The following ICE1 variants were observed in gnomAD, a reference collection of about 807,000 sequenced individuals.
ICE1 encodes interactor of little elongation complex ELL subunit 1, also known as little elongation complex subunit 1.
Under a neutral mutation model 192.7 loss-of-function variants are expected in ICE1, and 64 were observed. The observed-to-expected ratio is 0.33, with a 90% CI of 0.27 to 0.41. The LOEUF (loss-of-function observed/expected upper bound fraction) is 0.41. Ranked by LOEUF, ICE1 falls within the 10% of genes least tolerant of loss-of-function variation. The probability of loss-of-function intolerance (pLI) is 1.00; values close to 1 mark genes in which losing one functional copy is unlikely to be tolerated. For missense variants in ICE1, 2,708 were observed against 2,696.0 expected, an observed-to-expected ratio of 1.00 and a Z score of -0.10; for synonymous variants, 1,010 against 984.5, an observed-to-expected ratio of 1.03 and a Z score of -0.49.
At chr5:5,481,871 C>T (rs1003507899) in intron 17 of ICE1, among the ~76,000 whole-genome samples, 3 of 152,050 alleles carry the variant, frequency 2.0e-5, no homozygotes, top group Non-Finnish European at 4.4e-5. Context: ...AGTAGGCTAC[C>T]CCATATAGCC....
At chr5:5,444,680 G>A (rs1477720143) in intron 7 of ICE1, among the ~76,000 whole-genome samples, 1 of 152,146 alleles carries the variant, frequency 6.6e-6, no homozygotes, top group East Asian at 1.9e-4. Context: ...GTAGCTGGTG[G>A]AAAGGGTGGC....
At chr5:5,486,100 C>T (rs547704285) in intron 17 of ICE1, among the ~76,000 whole-genome samples, 1 of 152,332 alleles carries the variant, frequency 6.6e-6, no homozygotes, top group Non-Finnish European at 1.5e-5. Flanking sequence ...CCTGTGCCGT[C>T]TACAGCATGT....
At position 5,463,705 on chromosome 5, in the gene ICE1, G is replaced by T; in HGVS notation, c.4371G>T (p.Leu1457=). 3 of 1,613,842 alleles carry T rather than the reference G, an allele frequency of 1.9e-6. No homozygotes were observed. Among genetic ancestry groups the T allele is most frequent in the Non-Finnish European group, 2.5e-6 (3 of 1,179,838 alleles). ...CTATTTCTCAGGATCAAGGAGAGCT[G>T]GAAGCTGGTTGCATCCCAGTGACTT... The part of the protein sequence containing the change: ...DIPISQDQGE[L]EAGCIPVTSA... Residue 1457 remains leucine, a synonymous_variant, in exon 13 of 19, where the codon CTG becomes CTT. Coordinates refer to ENST00000296564, the MANE Select transcript of ICE1 (RefSeq NM_015325.3).
chr5:5,487,952 A>G (rs554523562), intron 18 of ICE1, among the ~76,000 whole-genome samples: 6 of 152,324 alleles, frequency 3.9e-5, no homozygotes, highest in Non-Finnish European at 8.8e-5. Context: ...TGATTTGCTG[A>G]AGGTGAGGCT....
Position 5,464,534 on chromosome 5 carries a change from T to C in ICE1, c.5200T>C (p.Cys1734Arg). Residue 1734 changes from cysteine to arginine, a missense_variant, in exon 13 of 19, where the codon TGT (cysteine) becomes CGT (arginine). Around this residue, in one of 2 missense-constraint regions of ICE1, gnomAD observed 2,366 missense variants for 2,276.6 expected, o/e 1.04. Transcript: ENST00000296564. The surrounding 1 kb of genome is among the most constrained non-coding windows in gnomAD (Gnocchi z 4.0). ...ALPVPGRLPPCASGHAAVGGP... is the reference protein window; with the variant it reads ...ALPVPGRLPPRASGHAAVGGP... ...TCCTGTGCCTGGCCGACTCCCACCC[T>C]GTGCATCTGGCCACGCTGCTGTGGG... 6.2e-7 allele frequency: 1 copy of C among 1,613,910 alleles called. No homozygotes were observed. Among genetic ancestry groups the C allele is most frequent in the Non-Finnish European group, 8.5e-7 (1 of 1,179,846 alleles).
chr5:5,440,002 C>T (rs1196745052), intron 4 of ICE1, 89 bp downstream of exon 4: 3 of 823,906 alleles, frequency 3.6e-6, no homozygotes, highest in Middle Eastern at 2.3e-4. Context: ...TTTTAAGCAG[C>T]TTTGAGCAAA....
intron 3 of ICE1, among the ~76,000 whole-genome samples, 187 bp from the exon 4 acceptor site, chr5:5,439,708 G>A (rs187222125): frequency 1.2e-3 from 176 of 152,184 alleles, no homozygotes; most frequent in African/African-American, 4.0e-3. Context: ...ATGGTAAATG[G>A]AAATAACTCA....
Position 5,433,709 on chromosome 5 carries a change from G to A in ICE1, c.85-2709G>A, listed in dbSNP as rs567147327. On this transcript the variant is annotated intron_variant, in intron 1 of 18. Transcript: ENST00000296564. ...CTGTAAAGACCCTATTTCTAAATAAGGTCATTCTAAAATACTGGGAGTTAG... is the reference window on the plus strand; with the variant it reads ...CTGTAAAGACCCTATTTCTAAATAAAGTCATTCTAAAATACTGGGAGTTAG... Among the ~76,000 whole-genome samples the A allele has an allele frequency of 3.2e-4, 49 of 152,196 alleles. No homozygotes were observed. The South Asian group carries it at 9.5e-3, about 30-fold the overall frequency.
chr5:5,474,083 G>A (rs1212681639), intron 16 of ICE1, among the ~76,000 whole-genome samples: 2 of 151,864 alleles, frequency 1.3e-5, no homozygotes, highest in African/African-American at 2.4e-5. Context: ...GGTGGTGGGC[G>A]CCTGTAGTCC....
intron 10 of ICE1, among the ~76,000 whole-genome samples, chr5:5,451,135 T>TA (rs1386009767): frequency 2.6e-5 from 4 of 152,116 alleles, no homozygotes; most frequent in South Asian, 2.1e-4. Context: ...AAAACTTACC[T>TA]AATAACTAAA....
chr5:5,456,489 A>G (rs570410078), intron 11 of ICE1, among the ~76,000 whole-genome samples: 6 of 152,254 alleles, frequency 3.9e-5, no homozygotes, highest in African/African-American at 1.4e-4. Context: ...AGTCTCATAG[A>G]TATTTATTTT....
Position 5,461,406 on chromosome 5 carries a change from A to C in ICE1, c.2072A>C (p.Glu691Ala). ...TTACATCTGCAGTCTGAGCCACCGG[A>C]GTGTTCTATAGGAGGAAACAACTTG... ...NTLHLQSEPP[E>A]CSIGGNNLEN... is the part of the protein sequence containing the mutation. The change falls in exon 13 of 19, where the codon GAG becomes GCG. Residue 691 changes from glutamate to alanine, a missense_variant. Transcript: ENST00000296564. 2 of 1,613,976 alleles carry C rather than the reference A, an allele frequency of 1.2e-6. No homozygotes were observed. Among genetic ancestry groups the C allele is most frequent in the Non-Finnish European group, 1.7e-6 (2 of 1,179,878 alleles).
At chr5:5,431,447 C>T (rs1480145484) in intron 1 of ICE1, among the ~76,000 whole-genome samples, 1 of 152,104 alleles carries the variant, frequency 6.6e-6, no homozygotes, top group Non-Finnish European at 1.5e-5. Context: ...ATCTCCATTC[C>T]GAAGGACCAT....
chr5:5,475,894 T>C (rs1739291326), intron 16 of ICE1, 79 bp from the exon 17 acceptor site: 4 of 869,080 alleles, frequency 4.6e-6, no homozygotes, highest in Non-Finnish European at 5.5e-6. Flanking sequence ...TTTCACTTAT[T>C]GCTTAAGGAT....
At chr5:5,482,477 T>C (rs1388119148) in intron 17 of ICE1, among the ~76,000 whole-genome samples, 1 of 152,202 alleles carries the variant, frequency 6.6e-6, no homozygotes, top group African/African-American at 2.4e-5. Flanking sequence ...TAAGCCCTTC[T>C]CAGGTCTGCT....
At chr5:5,476,139 G>GT in intron 17 of ICE1, 60 bp downstream of exon 17, 1 of 927,620 alleles carries the variant, frequency 1.1e-6, no homozygotes, top group Non-Finnish European at 1.6e-6. Flanking sequence ...TGGAAGGCTG[G>GT]GGGGTTAACT....
intron 14 of ICE1, 123 bp from the exon 15 acceptor site, chr5:5,468,705 C>T (rs1326849500): frequency 5.5e-6 from 3 of 542,096 alleles, no homozygotes; most frequent in African/African-American, 2.0e-5. Flanking sequence ...TCCCCATTTA[C>T]AGCTTCCTCC....
chr5:5,457,254 G>C, intron 11 of ICE1, 78 bp from the exon 12 acceptor site: 1 of 1,348,958 alleles, frequency 7.4e-7, no homozygotes, highest in Non-Finnish European at 9.9e-7. Flanking sequence ...TTGTAATAAG[G>C]TTTCTTTCTT....
intron 12 of ICE1, among the ~76,000 whole-genome samples, chr5:5,459,035 G>T (rs573407014): frequency 6.6e-6 from 1 of 152,142 alleles, no homozygotes; most frequent in South Asian, 2.1e-4. Flanking sequence ...ACCATGCCTG[G>T]CTAATTTTTT....
Sources: gnomAD v4.1 joint callset for allele counts (sites outside exome capture counted in the v4.1 genomes callset) on GRCh38, gnomAD v4.1.1 for gene constraint, gnomAD v4.1.1 regional missense constraint, Gnocchi (gnomAD v3.1) non-coding constraint, MANE v1.5 for transcripts, NCBI Gene and HGNC (gene_info 2026-07-23, HGNC 2026-07-21) for gene names.